Variants in MAJIN observed in about 807,000 individuals in gnomAD.
The protein encoded by MAJIN is membrane-anchored junction protein.
Under a neutral mutation model 30.2 loss-of-function variants are expected in MAJIN, and 27 were observed. The observed-to-expected ratio is 0.89, with a 90% CI of 0.66 to 1.23. The LOEUF is 1.23. MAJIN is among the 50% of genes most tolerant of loss of function. The probability of loss-of-function intolerance (pLI) is 0.00; values close to 1 mark genes in which losing one functional copy is unlikely to be tolerated. For synonymous variants in MAJIN, 78 were observed against 91.6 expected, an observed-to-expected ratio of 0.85 and a Z score of 0.85; for missense variants, 253 against 260.3, an observed-to-expected ratio of 0.97 and a Z score of 0.19.
chr11:64,940,506 A>G (rs586616), intron 9 of MAJIN, 68 bp downstream of exon 9: 838,232 of 1,497,116 alleles, frequency 0.56, 249,716 homozygotes, highest in Non-Finnish European at 0.63. Context: ...GCTGCTCTAC[A>G]TATCAGAGAA....
chr11:64,955,771 T>A (rs1945620600), intron 3 of MAJIN, among the ~76,000 whole-genome samples: 1 of 152,256 alleles, frequency 6.6e-6, no homozygotes, highest in African/African-American at 2.4e-5. Flanking sequence ...CAAATATTTT[T>A]CGATACTGTA....
In MAJIN at chr11:64,947,838, G is replaced by A; in HGVS notation, c.350-19C>T. The A allele has an allele frequency of 1.3e-6, 2 of 1,555,496 alleles. No individual in the cohort carries two copies. The highest frequency in any genetic ancestry group is 1.8e-6 in the Non-Finnish European group (2 of 1,128,684). The stretch of plus-strand genomic sequence containing the variant: ...GGTTTCCCTACAATAGGAAATTTGA[G>A]TGTCATAATAGATTTAAGACTTTTT... On this transcript the variant is annotated intron_variant, in intron 6 of 10. Coordinates refer to ENST00000301896, the MANE Select transcript of MAJIN (RefSeq NM_001037225.3).
In MAJIN at chr11:64,938,559, A is replaced by G; in HGVS notation, c.*16T>C. 1 of 1,535,830 alleles carries G rather than the reference A, an allele frequency of 6.5e-7. No homozygotes were observed. The highest frequency in any genetic ancestry group is 8.7e-7 in the Non-Finnish European group (1 of 1,146,722). ...GCTGCTCTTCCTGAAGAAATATCGA[A>G]ACGGGAAGAGAGAGCTGCAAGAATG... On this transcript the variant is annotated 3_prime_UTR_variant, in exon 11 of 11. Transcript: ENST00000301896.
chr11:64,959,938 C>A (rs529124440), intron 2 of MAJIN, among the ~76,000 whole-genome samples, 151 bp downstream of exon 2: 1 of 152,294 alleles, frequency 6.6e-6, no homozygotes, highest in Non-Finnish European at 1.5e-5. Flanking sequence ...CTTCCTGCCA[C>A]AACCAATGTA....
chr11:64,949,269 A>G (rs1321562220), intron 6 of MAJIN, among the ~76,000 whole-genome samples: 4 of 151,974 alleles, frequency 2.6e-5, no homozygotes, highest in African/African-American at 9.7e-5. Context: ...GTTAGAGGTT[A>G]CAGTGAACTA....
intron 1 of MAJIN, among the ~76,000 whole-genome samples, chr11:64,964,581 A>G (rs1945777423): frequency 6.6e-6 from 1 of 151,880 alleles, no homozygotes; most frequent in Admixed American, 6.6e-5. Flanking sequence ...ATACAAAAAC[A>G]TCAAAGCAAA....
intron 10 of MAJIN, 93 bp from the exon 11 acceptor site, chr11:64,938,666 T>G: frequency 1.4e-6 from 2 of 1,384,640 alleles, no homozygotes; most frequent in Non-Finnish European, 2.0e-6. Flanking sequence ...TAGGGCATTT[T>G]TGCTCTGGGG....
intron 1 of MAJIN, among the ~76,000 whole-genome samples, chr11:64,965,817 G>C (rs1306590422): frequency 6.6e-6 from 1 of 151,924 alleles, no homozygotes; most frequent in East Asian, 1.9e-4. Flanking sequence ...TTAGCCAGGC[G>C]TGGTGGCAGG....
At chr11:64,961,770 C>G (rs1269647459) in intron 1 of MAJIN, among the ~76,000 whole-genome samples, 2 of 150,970 alleles carry the variant, frequency 1.3e-5, no homozygotes, top group Admixed American at 6.6e-5. Context: ...GCCACTGCGC[C>G]TGGCTCTTTT....
chr11:64,971,272 C>A (rs1234968436), intron 1 of MAJIN, among the ~76,000 whole-genome samples: 6 of 151,808 alleles, frequency 4.0e-5, no homozygotes, highest in Non-Finnish European at 7.4e-5. Flanking sequence ...TACAAAAATA[C>A]AAAAATTAGC....
chr11:64,946,197 C>T (rs1945449411), intron 8 of MAJIN: 1 of 1,505,472 alleles, frequency 6.6e-7, no homozygotes, highest in Non-Finnish European at 8.9e-7. Context: ...CTGGCAGAGG[C>T]AATATCACTA....
intron 8 of MAJIN, among the ~76,000 whole-genome samples, chr11:64,942,224 C>CT (rs988522954): frequency 1.0e-4 from 15 of 148,966 alleles, no homozygotes; most frequent in African/African-American, 2.2e-4. Context: ...GTGAAGAGTT[C>CT]TTTTTTTTTT....
rs1332484132 is a variant in MAJIN, at chr11:64,948,631, ATATATATATTTTTTTTTTTTTTTTTTTTT to A, written c.350-841_350-813del. On this transcript the variant is annotated intron_variant, in intron 6 of 10. Coordinates refer to ENST00000301896, the MANE Select transcript of MAJIN (RefSeq NM_001037225.3). ...TATATATATATATATATATATATAT[ATATATATATTTTTTTTTTTTTTTTTTTTT>A]TTTTTTTTTTTTTTCAGATGGCATC... Among the ~76,000 whole-genome samples, 38 of 40,668 alleles carry A rather than the reference ATATATATATTTTTTTTTTTTTTTTTTTTT, an allele frequency of 9.3e-4. 2 individuals are homozygous for A. Among genetic ancestry groups the A allele is most frequent in the African/African-American group, 5.6e-3 (37 of 6,556 alleles). The allele number at this position is 40,668 out of a possible 152,430, so 26.7% of individuals were successfully genotyped here.
At chr11:64,950,101 G>A (rs535087818) in intron 5 of MAJIN, among the ~76,000 whole-genome samples, 79 of 152,190 alleles carry the variant, frequency 5.2e-4, no homozygotes, top group African/African-American at 1.7e-3. Flanking sequence ...AGGCCGAGGC[G>A]GGTGGATCAC....
intron 5 of MAJIN, 69 bp from the exon 6 acceptor site, chr11:64,949,937 G>A: frequency 6.4e-7 from 1 of 1,554,896 alleles, no homozygotes; most frequent in South Asian, 1.1e-5. Flanking sequence ...TTAGGGATGA[G>A]ACTCTCTCTC....
chr11:64,956,628 T>C (rs1281838759), intron 3 of MAJIN, among the ~76,000 whole-genome samples: 2 of 151,586 alleles, frequency 1.3e-5, no homozygotes, highest in Non-Finnish European at 2.9e-5. Flanking sequence ...ATCTTAAAAA[T>C]AACTACCATT....
intron 1 of MAJIN, among the ~76,000 whole-genome samples, chr11:64,968,117 A>G (rs908515024): frequency 3.8e-4 from 58 of 152,274 alleles, no homozygotes; most frequent in Non-Finnish European, 6.2e-4. Flanking sequence ...ATTGAGAATG[A>G]AGAGAGAGAG....
At chr11:64,953,831 T>C (rs567346388) in intron 4 of MAJIN, among the ~76,000 whole-genome samples, 1 of 152,146 alleles carries the variant, frequency 6.6e-6, no homozygotes, top group South Asian at 2.1e-4. Context: ...AGGTAGAACA[T>C]TTTCTTGGTC....
chr11:64,964,619 G>C (rs1945778478), intron 1 of MAJIN, among the ~76,000 whole-genome samples: 1 of 149,376 alleles, frequency 6.7e-6, no homozygotes, highest in South Asian at 2.1e-4. Context: ...TTTTGAGACA[G>C]AGTCTCACTC....
Sources: gnomAD v4.1 joint callset for allele counts (sites outside exome capture counted in the v4.1 genomes callset) on GRCh38, gnomAD v4.1.1 for gene constraint, MANE v1.5 for transcripts, NCBI Gene and HGNC (gene_info 2026-07-23, HGNC 2026-07-21) for gene names.